PALLD: variants seen among roughly 807,000 people sequenced by gnomAD.
The protein encoded by PALLD is palladin, cytoskeletal associated protein.
Under a neutral mutation model 123.5 loss-of-function variants are expected in PALLD, and 61 were observed. The ratio of observed to expected loss-of-function variants is 0.49; its 90% CI spans 0.40 to 0.61. PALLD has a LOEUF of 0.61. PALLD is among the 20% of genes least tolerant of loss of function. The pLI, the probability that PALLD is intolerant of heterozygous loss-of-function variation, is 0.00. For missense variants in PALLD, 1,273 were observed against 1,377.0 expected, an observed-to-expected ratio of 0.92 and a Z score of 1.20; for synonymous variants, 465 against 496.4, an observed-to-expected ratio of 0.94 and a Z score of 0.84.
chr4:168,815,048 G>A (rs1291216671), intron 10 of PALLD, among the ~76,000 whole-genome samples: 3 of 152,340 alleles, frequency 2.0e-5, no homozygotes, highest in South Asian at 4.1e-4. Context: ...TGGGATTATA[G>A]GCATGAGCCA....
chr4:168,788,701 G>A (rs1737097826), intron 10 of PALLD, among the ~76,000 whole-genome samples: 1 of 152,132 alleles, frequency 6.6e-6, no homozygotes, highest in Admixed American at 6.6e-5. Context: ...TGGTAATGGG[G>A]GATGCTGGGC....
intron 10 of PALLD, among the ~76,000 whole-genome samples, chr4:168,782,553 CTTG>C (rs1223253001): frequency 6.6e-6 from 1 of 151,902 alleles, no homozygotes; most frequent in Non-Finnish European, 1.5e-5. Flanking sequence ...TTACATAGTC[CTTG>C]TTGTGTGAAG....
At position 168,718,537 on chromosome 4, in the gene PALLD, T is replaced by G. The variant is rs1357372371; in HGVS notation, c.1964+6614T>G. On this transcript the variant is annotated intron_variant, in intron 10 of 21. Transcript: ENST00000505667. Reference sequence around the variant, plus strand: ...TTCAGTTAGCTAGCCATTACTTTCATTTCTTTTCAACTTAAATTTGTTTTT... The same window carrying G: ...TTCAGTTAGCTAGCCATTACTTTCAGTTCTTTTCAACTTAAATTTGTTTTT... 2.0e-5 allele frequency among the ~76,000 whole-genome samples: 3 copies of G among 152,218 alleles called. No individual in the cohort carries two copies. In the East Asian group the frequency reaches 5.8e-4, roughly 29 times the overall value.
At chr4:168,571,064 G>T (rs550075254) in intron 2 of PALLD, among the ~76,000 whole-genome samples, 4 of 152,044 alleles carry the variant, frequency 2.6e-5, no homozygotes, top group East Asian at 1.9e-4. Context: ...ATAATGGCAG[G>T]GTTCTCATCT....
chr4:168,658,027 A>C (rs527844492), intron 2 of PALLD, among the ~76,000 whole-genome samples: 1 of 151,644 alleles, frequency 6.6e-6, no homozygotes, highest in East Asian at 1.9e-4. Context: ...TTCTAAACCC[A>C]CTCCTTGTGT....
intron 10 of PALLD, among the ~76,000 whole-genome samples, chr4:168,759,578 A>G (rs1429894326): frequency 2.6e-5 from 4 of 152,118 alleles, no homozygotes; most frequent in South Asian, 4.2e-4. Flanking sequence ...CTTTGGGGAA[A>G]GAGGAACCTG....
chr4:168,587,101 A>C (rs1163473770), intron 2 of PALLD, among the ~76,000 whole-genome samples: 1 of 152,148 alleles, frequency 6.6e-6, no homozygotes, highest in African/African-American at 2.4e-5. Context: ...AGTGCCCTGG[A>C]CACCCCCCGA....
chr4:168,908,319 T>G (rs541115024), intron 15 of PALLD, among the ~76,000 whole-genome samples: 2 of 152,300 alleles, frequency 1.3e-5, no homozygotes, highest in African/African-American at 4.8e-5. Context: ...GACACACCAT[T>G]TTTCTACCTA....
chr4:168,592,303 T>G (rs954927538), intron 2 of PALLD, among the ~76,000 whole-genome samples: 1 of 151,972 alleles, frequency 6.6e-6, no homozygotes, highest in Non-Finnish European at 1.5e-5. Flanking sequence ...GGATTCCAGG[T>G]GTGAGCCACC....
intron 10 of PALLD, among the ~76,000 whole-genome samples, chr4:168,820,760 G>C (rs1267061872): frequency 6.6e-6 from 1 of 152,086 alleles, no homozygotes; most frequent in Non-Finnish European, 1.5e-5. Context: ...TAAATAAAAT[G>C]ATGGGCTTCC....
intron 10 of PALLD, among the ~76,000 whole-genome samples, chr4:168,744,846 T>C (rs1470739528): frequency 6.6e-6 from 1 of 152,232 alleles, no homozygotes; most frequent in African/African-American, 2.4e-5. Flanking sequence ...TGGATGAGTT[T>C]GTCCAACTGT....
chr4:168,604,673 A>G (rs1160660776), intron 2 of PALLD, among the ~76,000 whole-genome samples: 2 of 152,234 alleles, frequency 1.3e-5, no homozygotes, highest in Non-Finnish European at 2.9e-5. Context: ...CATAAAGTGC[A>G]TGTCTCTGAG....
chr4:168,749,990 AG>A (rs563164086), intron 10 of PALLD, among the ~76,000 whole-genome samples: 104 of 149,800 alleles, frequency 6.9e-4, no homozygotes, highest in Non-Finnish European at 1.1e-3. Context: ...TCTGTCACCC[AG>A]GCTGGAGTGC....
At chr4:168,751,115 C>A (rs1410402809) in intron 10 of PALLD, among the ~76,000 whole-genome samples, 1 of 151,578 alleles carries the variant, frequency 6.6e-6, no homozygotes, top group Non-Finnish European at 1.5e-5. Context: ...CAGGTTCAAG[C>A]GATTCTCCTG....
At chr4:168,817,526 G>A (rs1006168022) in intron 10 of PALLD, among the ~76,000 whole-genome samples, 8 of 152,166 alleles carry the variant, frequency 5.3e-5, no homozygotes, top group African/African-American at 1.7e-4. Flanking sequence ...ATTACGCAAA[G>A]AAACTGTCAG....
chr4:168,683,760 A>G (rs1781771661), intron 5 of PALLD, among the ~76,000 whole-genome samples: 1 of 152,204 alleles, frequency 6.6e-6, no homozygotes, highest in African/African-American at 2.4e-5. Context: ...ACTCACAGAA[A>G]GGTTTTCCCC....
chr4:168,809,914 A>G (rs1366834821), intron 10 of PALLD, among the ~76,000 whole-genome samples: 1 of 152,084 alleles, frequency 6.6e-6, no homozygotes, highest in African/African-American at 2.4e-5. Flanking sequence ...GAGCTGATGA[A>G]CACAGCTAAG....
chr4:168,778,799 A>G (rs1383350165), intron 10 of PALLD, among the ~76,000 whole-genome samples: 1 of 152,196 alleles, frequency 6.6e-6, no homozygotes, highest in Non-Finnish European at 1.5e-5. Context: ...CCAGCATTTG[A>G]ACCCAAGCAG....
intron 10 of PALLD, among the ~76,000 whole-genome samples, chr4:168,781,193 C>T (rs1004563195): frequency 6.6e-6 from 1 of 152,130 alleles, no homozygotes; most frequent in African/African-American, 2.4e-5. Context: ...TTTAATAACA[C>T]CAGCATGGAA....
Sources: allele counts gnomAD v4.1 joint callset (sites outside exome capture counted in the v4.1 genomes callset), GRCh38; gene constraint gnomAD v4.1.1; transcripts MANE v1.5; gene names NCBI Gene and HGNC (gene_info 2026-07-23, HGNC 2026-07-21).